The following GRID2 variants were observed in gnomAD, a reference collection of about 807,000 sequenced individuals.
GRID2 encodes glutamate receptor ionotropic, delta-2.
A neutral mutation model predicts 114.8 loss-of-function variants in GRID2; 33 were observed. The observed-to-expected ratio is 0.29, with a 90% CI of 0.22 to 0.38. GRID2 has a LOEUF of 0.38. Among genes scored for constraint, GRID2 ranks in the 10% least tolerant of loss-of-function variants. The pLI is 1.00. For missense variants in GRID2, 1,184 were observed against 1,257.7 expected, an observed-to-expected ratio of 0.94 and a Z score of 0.89; for synonymous variants, 505 against 449.9, an observed-to-expected ratio of 1.12 and a Z score of -1.55.
chr4:92,613,156 C>G (rs1290735186), intron 2 of GRID2, among the ~76,000 whole-genome samples: 5 of 151,252 alleles, frequency 3.3e-5, no homozygotes, highest in Non-Finnish European at 7.4e-5. Context: ...TTTTGAAATA[C>G]TTTACTTGCT....
chr4:93,353,659 A>C (rs550970960), intron 8 of GRID2, among the ~76,000 whole-genome samples: 1 of 152,062 alleles, frequency 6.6e-6, no homozygotes, highest in African/African-American at 2.4e-5. Flanking sequence ...TAGACACCTA[A>C]AAAAATTGAC....
At chr4:93,050,509 GGTGT>G (rs70942946) in intron 2 of GRID2, among the ~76,000 whole-genome samples, 8,906 of 143,962 alleles carry the variant, frequency 0.062, 410 homozygotes, top group African/African-American at 0.13. Context: ...AATAATACCT[GGTGT>G]GTGTGTGTGT....
At chr4:93,325,504 G>C (rs965505624) in intron 8 of GRID2, among the ~76,000 whole-genome samples, 2 of 151,394 alleles carry the variant, frequency 1.3e-5, no homozygotes, top group Non-Finnish European at 2.9e-5. Context: ...TCCCTCTGTT[G>C]TTTTCTAGGT....
intron 2 of GRID2, among the ~76,000 whole-genome samples, chr4:92,814,948 T>TACTGACAGA (rs1233289798): frequency 2.0e-5 from 3 of 152,232 alleles, no homozygotes; most frequent in African/African-American, 7.2e-5. Context: ...GCTCAAAATG[T>TACTGACAGA]GCAAGTTCAC....
chr4:92,830,333 A>T (rs1220431930), intron 2 of GRID2, among the ~76,000 whole-genome samples: 1 of 150,786 alleles, frequency 6.6e-6, no homozygotes, highest in Non-Finnish European at 1.5e-5. Context: ...CTTATGTCTT[A>T]CTTCAAAATA....
At chr4:93,430,959 G>C (rs1769352927) in intron 10 of GRID2, among the ~76,000 whole-genome samples, 1 of 152,148 alleles carries the variant, frequency 6.6e-6, no homozygotes, top group African/African-American at 2.4e-5. Context: ...AAATTTATGA[G>C]AATTTTGCAG....
At chr4:92,908,604 A>G (rs1748138935) in intron 2 of GRID2, among the ~76,000 whole-genome samples, 2 of 151,662 alleles carry the variant, frequency 1.3e-5, no homozygotes, top group African/African-American at 4.8e-5. Context: ...AACAAAAAAT[A>G]TGAAAAAAAA....
chr4:93,578,593 T>TGTTTTTTTG (rs1483147283), intron 13 of GRID2, among the ~76,000 whole-genome samples: 1 of 132,588 alleles, frequency 7.5e-6, no homozygotes, highest in African/African-American at 3.2e-5. Context: ...TTGTATTTTT[T>TGTTTTTTTG]TTTTTTTTTT....
chr4:93,030,855 AAAAG>A (rs199997287), intron 2 of GRID2, among the ~76,000 whole-genome samples: 3,425 of 152,146 alleles, frequency 0.023, 60 homozygotes, highest in Non-Finnish European at 0.035. Flanking sequence ...TGGTGAGAAA[AAAAG>A]AGAGGAAAGG....
At chr4:92,888,603 A>G (rs1386397949) in intron 2 of GRID2, among the ~76,000 whole-genome samples, 1 of 152,132 alleles carries the variant, frequency 6.6e-6, no homozygotes, top group East Asian at 1.9e-4. Context: ...TACACACCAT[A>G]TAATCAGTTG....
chr4:93,662,954 A>T (rs11725463), intron 14 of GRID2, among the ~76,000 whole-genome samples: 1 of 152,320 alleles, frequency 6.6e-6, no homozygotes, highest in East Asian at 1.9e-4. Context: ...AGCAGTCTCC[A>T]TTAATGGAAG....
intron 2 of GRID2, among the ~76,000 whole-genome samples, chr4:93,073,459 A>G (rs1456839845): frequency 6.6e-6 from 1 of 152,276 alleles, no homozygotes; most frequent in Middle Eastern, 3.4e-3. Context: ...TGTGTTAATA[A>G]TCTGTTCACA....
chr4:92,519,926 T>A (rs912273469), intron 1 of GRID2, among the ~76,000 whole-genome samples: 1 of 151,872 alleles, frequency 6.6e-6, no homozygotes, highest in Non-Finnish European at 1.5e-5. Context: ...GGGGCGGAAT[T>A]TGCTTTTCTC....
At chr4:93,654,372 G>T (rs145245866) in intron 14 of GRID2, among the ~76,000 whole-genome samples, 1 of 152,118 alleles carries the variant, frequency 6.6e-6, no homozygotes, top group Admixed American at 6.5e-5. Context: ...TTTCAGGGCC[G>T]AGTTCTGATG....
chr4:93,532,723 A>G (rs558635628), intron 13 of GRID2, among the ~76,000 whole-genome samples: 1 of 152,266 alleles, frequency 6.6e-6, no homozygotes, highest in East Asian at 1.9e-4. Flanking sequence ...GGCACTTTGG[A>G]TATAATAATT....
intron 4 of GRID2, among the ~76,000 whole-genome samples, chr4:93,155,314 C>T (rs1216552068): frequency 1.3e-5 from 2 of 151,954 alleles, no homozygotes; most frequent in African/African-American, 2.4e-5. Flanking sequence ...CATGCCTCTG[C>T]ATATTCTATT....
chr4:92,475,779 A>C (rs983129807), intron 1 of GRID2, among the ~76,000 whole-genome samples: 32 of 152,152 alleles, frequency 2.1e-4, no homozygotes, highest in African/African-American at 7.0e-4. Flanking sequence ...ATATTTTAAT[A>C]ATATTATTTC....
At chr4:93,619,348 T>G (rs1560827092) in intron 13 of GRID2, among the ~76,000 whole-genome samples, 2 of 152,232 alleles carry the variant, frequency 1.3e-5, no homozygotes, top group Non-Finnish European at 1.5e-5. Flanking sequence ...CCATGTGTTA[T>G]AAATATTAAA....
chr4:92,656,300 C>T (rs953309523), intron 2 of GRID2, among the ~76,000 whole-genome samples: 1 of 151,316 alleles, frequency 6.6e-6, no homozygotes, highest in Non-Finnish European at 1.5e-5. Flanking sequence ...TGATAATAAA[C>T]ATCTCTTTTT....
Sources: gnomAD v4.1 joint callset for allele counts (sites outside exome capture counted in the v4.1 genomes callset) on GRCh38, gnomAD v4.1.1 for gene constraint, MANE v1.5 for transcripts, NCBI Gene and HGNC (gene_info 2026-07-23, HGNC 2026-07-21) for gene names.